ABL1: variants seen among roughly 807,000 people sequenced by gnomAD.
ABL1 encodes the protein tyrosine-protein kinase ABL1.
A neutral mutation model predicts 94.7 loss-of-function variants in ABL1; 11 were observed. The observed-to-expected ratio is 0.12, with a 90% confidence interval of 0.07 to 0.19. The LOEUF (loss-of-function observed/expected upper bound fraction) is 0.19. ABL1 is among the 10% of genes least tolerant of loss of function. The probability of loss-of-function intolerance (pLI) is 1.00; values close to 1 mark genes in which losing one functional copy is unlikely to be tolerated. For synonymous variants in ABL1, 656 were observed against 622.4 expected, an observed-to-expected ratio of 1.05 and a Z score of -0.80; for missense variants, 1,082 against 1,489.4, an observed-to-expected ratio of 0.73 and a Z score of 4.50.
intron 1 of ABL1, among the ~76,000 whole-genome samples, chr9:130,842,961 G>A (rs1830698910): frequency 6.6e-6 from 1 of 152,124 alleles, no homozygotes; most frequent in Non-Finnish European, 1.5e-5. Context: ...TATACCTTTA[G>A]GATTTTGGCC....
In ABL1 at chr9:130,849,244, G is replaced by A. The variant is rs73656055; in HGVS notation, c.80-4820G>A. The stretch of plus-strand genomic sequence containing the variant: ...TGTACTTGCCCTTTTCTGTGCTGTT[G>A]TTTAAAATTAGTGTATAGAAATAAT... On this transcript the variant is annotated intron_variant, in intron 1 of 10. Coordinates refer to ENST00000318560, the MANE Select transcript of ABL1 (RefSeq NM_005157.6). Among the ~76,000 whole-genome samples, 929 of 152,250 alleles carry A rather than the reference G, an allele frequency of 6.1e-3. 15 individuals carry two copies. The highest frequency in any genetic ancestry group is 0.021 in the African/African-American group (871 of 41,538).
chr9:130,719,532 AAAAT>A (rs901536391), intron 1 of ABL1, among the ~76,000 whole-genome samples: 6 of 152,186 alleles, frequency 3.9e-5, no homozygotes, highest in Non-Finnish European at 5.9e-5. Flanking sequence ...ACTCCATCTC[AAAAT>A]AAATAAATAA....
Position 130,877,256 on chromosome 9 carries a change from C to T in ABL1, c.1271-1159C>T, listed in dbSNP as rs542151224. Among the ~76,000 whole-genome samples, 79 of 148,608 alleles carry T rather than the reference C, an allele frequency of 5.3e-4. 8 individuals are homozygous for T. In the Middle Eastern group the frequency reaches 0.01, roughly 19 times the overall value. ...AATGACAAGCTATTGCAGGTTCATTCTGTGCCCCAGGCCTGAATCACCCAT... is the reference window on the plus strand; with the variant it reads ...AATGACAAGCTATTGCAGGTTCATTTTGTGCCCCAGGCCTGAATCACCCAT... On this transcript the variant is annotated intron_variant, in intron 7 of 10. Transcript: ENST00000318560.
At chr9:130,783,815 C>G (rs1329606559) in intron 1 of ABL1, among the ~76,000 whole-genome samples, 1 of 152,066 alleles carries the variant, frequency 6.6e-6, no homozygotes, top group African/African-American at 2.4e-5. Context: ...ATCACCACGC[C>G]CAGCTAATTT....
chr9:130,851,158 T>G (rs1830854126), intron 1 of ABL1, among the ~76,000 whole-genome samples: 1 of 152,158 alleles, frequency 6.6e-6, no homozygotes. Flanking sequence ...TCTCCTGACC[T>G]CGGGGATCAC....
chr9:130,713,764 G>A (rs1438919304), exon 1 of ABL1, among the ~76,000 whole-genome samples: 1 of 152,196 alleles, frequency 6.6e-6, no homozygotes, highest in African/African-American at 2.4e-5. Context: ...AGAGTCGAGG[G>A]CAAACTCGCT....
At chr9:130,873,108 G>T (rs1016909312) in intron 6 of ABL1, 71 bp downstream of exon 6, 5 of 1,516,332 alleles carry the variant, frequency 3.3e-6, no homozygotes, top group Non-Finnish European at 4.4e-6. Flanking sequence ...TTTACAAAAA[G>T]CCCCAGCCTA....
At position 130,765,297 on chromosome 9, in the gene ABL1, C is replaced by G. The variant is rs545073806; in HGVS notation, c.136+50842C>G. ...AGGCTTTGGTTTGGTTATGACAGTG[C>G]TACAGCCAGCAACCCGGGGGCCACC... On this transcript the variant is annotated intron_variant, in intron 1 of 10. Coordinates refer to the ABL1 transcript ENST00000372348. Among the ~76,000 whole-genome samples the G allele has an allele frequency of 1.9e-3, 285 of 152,232 alleles. 2 individuals carry two copies. The highest frequency in any genetic ancestry group is 6.5e-3 in the African/African-American group (269 of 41,552).
intron 1 of ABL1, among the ~76,000 whole-genome samples, chr9:130,763,882 G>T (rs773381543): frequency 1.3e-5 from 2 of 152,130 alleles, no homozygotes; most frequent in Non-Finnish European, 2.9e-5. Flanking sequence ...CATTTTGGAG[G>T]CTTGCCACTC....
intron 1 of ABL1, among the ~76,000 whole-genome samples, chr9:130,730,484 G>A (rs1320797386): frequency 6.6e-6 from 1 of 152,054 alleles, no homozygotes; most frequent in Non-Finnish European, 1.5e-5. Context: ...GTGTACCTAT[G>A]TATCTCTTGC....
At chr9:130,875,812 CTCTCCCTCCCCTCCTCTCT>C (rs1171225082) in intron 7 of ABL1, among the ~76,000 whole-genome samples, 21 of 152,024 alleles carry the variant, frequency 1.4e-4, no homozygotes, top group Admixed American at 1.4e-3. Flanking sequence ...CTTTCCTCCC[CTCTCCCTCCCCTCCTCTCT>C]TCTCCTTCTC....
intron 1 of ABL1, among the ~76,000 whole-genome samples, chr9:130,849,491 G>A (rs1213973952): frequency 6.6e-6 from 1 of 151,946 alleles, no homozygotes; most frequent in Non-Finnish European, 1.5e-5. Context: ...ATTATCAAGC[G>A]TTCACACACT....
Position 130,885,845 on chromosome 9 carries a change from C to T in ABL1, c.*162C>T. 1.1e-6 allele frequency: 1 copy of T among 949,654 alleles called. No homozygotes were observed. The highest frequency in any genetic ancestry group is 3.0e-5 in the Admixed American group (1 of 33,768). 58.8% of individuals were successfully genotyped at this position (949,654 alleles called of 1,614,324 possible). A position where few individuals can be genotyped will look rare whatever the true frequency, so the allele number is the denominator to read the frequency against. The stretch of plus-strand genomic sequence containing the variant: ...GAGGGCCCTGTGGAGTCCAGCTCTA[C>T]TACCTACGTTTGCACCGCCTGCCCT... On this transcript the variant is annotated 3_prime_UTR_variant, in exon 11 of 11. Transcript: ENST00000318560.
intron 1 of ABL1, among the ~76,000 whole-genome samples, chr9:130,794,964 T>C (rs960582511): frequency 2.6e-5 from 4 of 152,228 alleles, no homozygotes; most frequent in Non-Finnish European, 5.9e-5. Flanking sequence ...TGCAGGTTTC[T>C]TCTTTCTGGT....
Position 130,854,183 on chromosome 9 carries a change from G to C in ABL1, c.199G>C (p.Val67Leu). 6.2e-7 allele frequency: 1 copy of C among 1,614,090 alleles called. No homozygotes were observed. Among genetic ancestry groups the C allele is most frequent in the Non-Finnish European group, 8.5e-7 (1 of 1,180,016 alleles). The change falls in exon 2 of 11, where the codon GTT becomes CTT. Residue 67 changes from valine to leucine, a missense_variant. Physicochemically the swap from Val to Leu is conservative, Grantham distance 32. This residue lies in a region of ABL1 where 65 missense variants were observed against 80.8 expected (regional missense o/e 0.80). Transcript: ENST00000318560. Reference sequence around the variant, plus strand: ...CAGTGAAAATGACCCCAACCTTTTCGTTGCACTGTATGATTTTGTGGCCAG... The same window carrying C: ...CAGTGAAAATGACCCCAACCTTTTCCTTGCACTGTATGATTTTGTGGCCAG... ...GPSENDPNLF[V>L]ALYDFVASGD...
chr9:130,787,794 G>A (rs571620284), intron 1 of ABL1, among the ~76,000 whole-genome samples: 44 of 152,234 alleles, frequency 2.9e-4, no homozygotes, highest in East Asian at 9.7e-4. Context: ...ATGTTTTCCC[G>A]TCACCTGTTG....
rs201483141 is a variant in ABL1, at chr9:130,855,143, A to G, written c.549+47A>G. On this transcript the variant is annotated intron_variant, in intron 3 of 10. Transcript: ENST00000318560. Reference sequence around the variant, plus strand: ...GCGCTGATGGGCCCAGGGCAGGGGAACCAGAGGTCCTGCTGTCGGATTGAT... The same window carrying G: ...GCGCTGATGGGCCCAGGGCAGGGGAGCCAGAGGTCCTGCTGTCGGATTGAT... The G allele has an allele frequency of 3.7e-3, 5,768 of 1,551,178 alleles. 14 individuals carry two copies. Among genetic ancestry groups the G allele is most frequent in the Non-Finnish European group, 4.7e-3 (5,404 of 1,145,260 alleles).
At chr9:130,760,628 T>C (rs1290310550) in intron 1 of ABL1, among the ~76,000 whole-genome samples, 2 of 152,164 alleles carry the variant, frequency 1.3e-5, no homozygotes, top group African/African-American at 2.4e-5. Context: ...AAAATTTCTC[T>C]TGTAAACTTT....
At chr9:130,836,465 G>A (rs139477480) in intron 1 of ABL1, among the ~76,000 whole-genome samples, 1,563 of 152,270 alleles carry the variant, frequency 0.01, 31 homozygotes, top group African/African-American at 0.032. Flanking sequence ...CAGCAGAAAG[G>A]CTATCTGTGC....
Sources: allele counts gnomAD v4.1 joint callset (sites outside exome capture counted in the v4.1 genomes callset), GRCh38; gene constraint gnomAD v4.1.1; regional missense constraint gnomAD v4.1.1; transcripts MANE v1.5; gene names NCBI Gene and HGNC (gene_info 2026-07-23, HGNC 2026-07-21).